Variants in TADA2A observed in about 807,000 individuals in gnomAD.
TADA2A encodes the protein transcriptional adaptor 2A.
Under a neutral mutation model 67.4 loss-of-function variants are expected in TADA2A, and 38 were observed. The ratio of observed to expected loss-of-function variants is 0.56; its 90% CI spans 0.44 to 0.74. The LOEUF (loss-of-function observed/expected upper bound fraction) is 0.74, where lower values mean the gene tolerates loss of function less well. Among genes scored for constraint, TADA2A ranks in the 30% least tolerant of loss-of-function variants. The pLI is 0.00. For missense variants in TADA2A, 454 were observed against 547.0 expected, an observed-to-expected ratio of 0.83 and a Z score of 1.70; for synonymous variants, 192 against 181.6, an observed-to-expected ratio of 1.06 and a Z score of -0.46.
At chr17:37,428,667 G>A (rs186210638) in intron 4 of TADA2A, among the ~76,000 whole-genome samples, 2 of 152,180 alleles carry the variant, frequency 1.3e-5, no homozygotes, top group East Asian at 1.9e-4. Context: ...CTGTAACCTC[G>A]ACCTCCCAGG....
At chr17:37,474,344 A>T (rs1047904796) in intron 14 of TADA2A, among the ~76,000 whole-genome samples, 1 of 152,204 alleles carries the variant, frequency 6.6e-6, no homozygotes, top group African/African-American at 2.4e-5. Context: ...TGGGTAATTC[A>T]TGTGCCCTGA....
At chr17:37,467,588 G>A in intron 12 of TADA2A, 63 bp downstream of exon 12, 2 of 1,367,936 alleles carry the variant, frequency 1.5e-6, no homozygotes, top group Non-Finnish European at 2.0e-6. Flanking sequence ...CACAGAGGAA[G>A]TCTCTGAATT....
rs2051865815 is a variant in TADA2A at position 37,411,451 on chromosome 17, C to A, written c.25+61C>A. The A allele has an allele frequency of 2.0e-6, 3 of 1,481,434 alleles. No individual in the cohort carries two copies. In the Admixed American group the frequency reaches 5.0e-5, roughly 25 times the overall value. The allele number at this position is 1,481,434 out of a possible 1,614,324, so 91.8% of individuals were successfully genotyped here. Reference sequence around the variant, plus strand: ...TATTATTTTTTTTTTGAGATGGACTCTCCCTCTGTTGCCCAGGCTGGGGTA... The same window carrying A: ...TATTATTTTTTTTTTGAGATGGACTATCCCTCTGTTGCCCAGGCTGGGGTA... On this transcript the variant is annotated intron_variant, in intron 2 of 15. Transcript: ENST00000615182.
intron 1 of TADA2A, among the ~76,000 whole-genome samples, chr17:37,410,241 G>T (rs1311613518): frequency 1.3e-5 from 2 of 151,884 alleles, no homozygotes; most frequent in African/African-American, 4.8e-5. Context: ...CTGGAGTGCA[G>T]TGGTGGCTCA....
At chr17:37,472,061 G>A (rs575890218) in intron 14 of TADA2A, among the ~76,000 whole-genome samples, 233 of 151,460 alleles carry the variant, frequency 1.5e-3, no homozygotes, top group African/African-American at 4.8e-3. Context: ...AGATTTGTCC[G>A]CGTTAGGGAC....
intron 2 of TADA2A, among the ~76,000 whole-genome samples, chr17:37,415,245 T>C (rs974858692): frequency 1.3e-5 from 2 of 152,202 alleles, no homozygotes; most frequent in Non-Finnish European, 2.9e-5. Flanking sequence ...TTTAAAAAAA[T>C]TCTTCAATCA....
rs528694819 is a variant in TADA2A, at chr17:37,449,548, G to T, written c.604+4780G>T. ...TAACTTGCCTGAGATCATACAGCCA[G>T]CAAGAGGTAGAGTCATCCCCAAGTC... On this transcript the variant is annotated intron_variant, in intron 8 of 15. Transcript: ENST00000615182. Among the ~76,000 whole-genome samples, 7 of 152,112 alleles carry T rather than the reference G, an allele frequency of 4.6e-5. 1 individual carries two copies. In the South Asian group the frequency reaches 1.5e-3, roughly 32 times the overall value.
intron 14 of TADA2A, 141 bp downstream of exon 14, chr17:37,471,278 A>G: frequency 1.3e-6 from 1 of 789,048 alleles, no homozygotes; most frequent in Admixed American, 2.2e-5. Flanking sequence ...CCCAATATAT[A>G]AACATCAGTA....
chr17:37,457,054 G>A (rs1003279941), intron 8 of TADA2A, among the ~76,000 whole-genome samples: 3 of 152,012 alleles, frequency 2.0e-5, no homozygotes, highest in African/African-American at 7.2e-5. Context: ...ACTCTAAACA[G>A]TTGCTGCTCC....
chr17:37,437,502 T>C (rs1170457154), intron 4 of TADA2A, among the ~76,000 whole-genome samples: 1 of 152,068 alleles, frequency 6.6e-6, no homozygotes, highest in East Asian at 1.9e-4. Context: ...TTCTCCTGCC[T>C]CAGCCTCCTG....
intron 8 of TADA2A, among the ~76,000 whole-genome samples, chr17:37,451,392 C>T (rs1202708954): frequency 2.7e-5 from 4 of 149,218 alleles, no homozygotes; most frequent in Non-Finnish European, 4.4e-5. Flanking sequence ...AATCTTAGCT[C>T]ACCACAGCCT....
intron 11 of TADA2A, among the ~76,000 whole-genome samples, 165 bp from the exon 12 acceptor site, chr17:37,467,289 C>G (rs1443989780): frequency 6.6e-6 from 1 of 152,180 alleles, no homozygotes; most frequent in African/African-American, 2.4e-5. Context: ...TTCCTCAGCT[C>G]TTGGGTAAAA....
At chr17:37,448,781 C>T (rs1009838948) in intron 8 of TADA2A, among the ~76,000 whole-genome samples, 17 of 152,110 alleles carry the variant, frequency 1.1e-4, no homozygotes, top group Non-Finnish European at 8.8e-5. Context: ...CAGGGTTGCA[C>T]CTTAGTACAG....
intron 1 of TADA2A, chr17:37,408,217 T>G (rs1249032706): frequency 6.5e-6 from 1 of 152,696 alleles, no homozygotes; most frequent in Non-Finnish European, 1.5e-5. Context: ...TGTTGATCAG[T>G]CCCTATTGAC....
chr17:37,417,919 A>G (rs2052101409), intron 2 of TADA2A, among the ~76,000 whole-genome samples: 2 of 152,148 alleles, frequency 1.3e-5, no homozygotes, highest in Admixed American at 1.3e-4. Flanking sequence ...TGGTAAAACA[A>G]TGCAATTTAT....
chr17:37,448,698 G>A (rs2053150282), intron 8 of TADA2A, among the ~76,000 whole-genome samples: 1 of 152,062 alleles, frequency 6.6e-6, no homozygotes, highest in Admixed American at 6.6e-5. Flanking sequence ...AGTCATTGTT[G>A]CCCCATAACC....
chr17:37,453,607 G>C (rs913280808), intron 8 of TADA2A, among the ~76,000 whole-genome samples: 1 of 152,086 alleles, frequency 6.6e-6, no homozygotes, highest in African/African-American at 2.4e-5. Flanking sequence ...TGTAAATAAT[G>C]TGTTGACTTA....
chr17:37,414,011 G>T (rs1486350666), intron 2 of TADA2A, among the ~76,000 whole-genome samples: 1 of 151,960 alleles, frequency 6.6e-6, no homozygotes, highest in Non-Finnish European at 1.5e-5. Flanking sequence ...ATGTGTTCTT[G>T]TTTTTTTAGC....
intron 6 of TADA2A, among the ~76,000 whole-genome samples, chr17:37,442,133 G>C (rs1264859350): frequency 2.0e-5 from 3 of 151,348 alleles, no homozygotes; most frequent in Non-Finnish European, 4.4e-5. Flanking sequence ...CATGGGACTA[G>C]TGTGTGTTGG....
Sources: gnomAD v4.1 joint callset for allele counts (sites outside exome capture counted in the v4.1 genomes callset) on GRCh38, gnomAD v4.1.1 for gene constraint, MANE v1.5 for transcripts, NCBI Gene and HGNC (gene_info 2026-07-23, HGNC 2026-07-21) for gene names.